The following B4GALT5 variants were observed in gnomAD, a reference collection of about 807,000 sequenced individuals.
B4GALT5 encodes the protein beta-1,4-galactosyltransferase 5, also known as UDP-Gal:beta-GlcNAc beta-1,4-galactosyltransferase 5.
In B4GALT5, 11 loss-of-function variants were observed where a neutral mutation model predicts 45.0. That is an observed-to-expected ratio of 0.24 (90% CI 0.15 to 0.40). The LOEUF (loss-of-function observed/expected upper bound fraction) is 0.40. Among genes scored for constraint, B4GALT5 ranks in the 10% least tolerant of loss-of-function variants. The pLI is 1.00. For missense variants in B4GALT5, 337 were observed against 500.2 expected (o/e 0.67, Z 3.11); for synonymous variants, 185 against 182.9 (o/e 1.01, Z -0.09).
At chr20:49,660,118 A>G (rs143213479) in intron 1 of B4GALT5, among the ~76,000 whole-genome samples, 6 of 152,010 alleles carry the variant, frequency 3.9e-5, no homozygotes, top group Non-Finnish European at 7.4e-5. Flanking sequence ...CTTCATCATC[A>G]CAACTTCATC....
At chr20:49,652,552 G>A (rs936393001) in intron 2 of B4GALT5, among the ~76,000 whole-genome samples, 3 of 151,666 alleles carry the variant, frequency 2.0e-5, no homozygotes, top group Admixed American at 6.6e-5. Context: ...AAGAGGTGAA[G>A]ATGACCCACT....
chr20:49,659,557 A>G (rs954385786), intron 1 of B4GALT5, among the ~76,000 whole-genome samples: 2 of 152,224 alleles, frequency 1.3e-5, no homozygotes, highest in Non-Finnish European at 2.9e-5. Context: ...AATTATCGAA[A>G]GGAACTAGCA....
intron 1 of B4GALT5, among the ~76,000 whole-genome samples, chr20:49,713,061 T>G (rs1600563107): frequency 2.6e-5 from 3 of 114,128 alleles, no homozygotes; most frequent in African/African-American, 7.0e-5. Context: ...CAGGAAACGA[T>G]GGAGTCATGG....
Position 49,643,577 on chromosome 20 carries a change from G to A in B4GALT5, c.438C>T (p.Thr146=). ...YIHELFSKDP[T]IKLGGHWKPS... ...GCTTCCAGTGACCTCCGAGCTTGAT[G>A]GTTGGGTCTTTGGAGAAGAGTTCAT... Residue 146 remains threonine, a synonymous_variant, in exon 4 of 9, where the codon ACC becomes ACT. Coordinates refer to ENST00000371711, the MANE Select transcript of B4GALT5 (RefSeq NM_004776.4). 2 of 1,614,036 alleles carry A rather than the reference G, an allele frequency of 1.2e-6. No individual in the cohort carries two copies. The highest frequency in any genetic ancestry group is 1.7e-6 in the Non-Finnish European group (2 of 1,179,988).
intron 1 of B4GALT5, among the ~76,000 whole-genome samples, chr20:49,685,420 T>C (rs1471051282): frequency 3.3e-5 from 5 of 152,108 alleles, no homozygotes; most frequent in African/African-American, 1.2e-4. Flanking sequence ...CGAAAAACTC[T>C]GTGACCCAGA....
In B4GALT5 at chr20:49,654,765, T is replaced by C. The variant is rs562471626; in HGVS notation, c.250+1803A>G. 1.5e-4 allele frequency among the ~76,000 whole-genome samples: 23 copies of C among 152,344 alleles called. No homozygotes were observed. In the East Asian group the frequency reaches 3.1e-3, roughly 20 times the overall value. ...GGACTGATTTAGAGGGAGAATTTTT[T>C]TTTAAATGTAAGTATTTTAAAATAT... On this transcript the variant is annotated intron_variant, in intron 2 of 8. Transcript: ENST00000371711.
chr20:49,680,768 T>G (rs1447109322), intron 1 of B4GALT5, among the ~76,000 whole-genome samples: 2 of 152,144 alleles, frequency 1.3e-5, no homozygotes, highest in Non-Finnish European at 2.9e-5. Context: ...AATTGTATAC[T>G]TCAAATGATT....
intron 1 of B4GALT5, among the ~76,000 whole-genome samples, chr20:49,686,647 G>A (rs2085786610): frequency 6.7e-6 from 1 of 148,530 alleles, no homozygotes; most frequent in Admixed American, 6.8e-5. Flanking sequence ...AGCACTTTGG[G>A]AGACCGAGGC....
chr20:49,687,274 A>C (rs538661458), intron 1 of B4GALT5, among the ~76,000 whole-genome samples: 2 of 152,364 alleles, frequency 1.3e-5, no homozygotes, highest in East Asian at 1.9e-4. Context: ...TGACTTTTAA[A>C]TTAACCACTG....
chr20:49,636,608 A>T (rs1456046043), intron 8 of B4GALT5, 149 bp from the exon 9 acceptor site: 6 of 833,630 alleles, frequency 7.2e-6, no homozygotes, highest in Admixed American at 5.7e-5. Context: ...CAATTCTGCT[A>T]TGCCAGGCTG....
At chr20:49,653,927 G>C (rs2123014286) in intron 2 of B4GALT5, among the ~76,000 whole-genome samples, 1 of 152,320 alleles carries the variant, frequency 6.6e-6, no homozygotes, top group East Asian at 1.9e-4. Context: ...CAGCAACTCA[G>C]GAAGTAGCGC....
intron 1 of B4GALT5, among the ~76,000 whole-genome samples, chr20:49,707,160 A>G (rs1434749891): frequency 1.3e-5 from 2 of 152,146 alleles, no homozygotes; most frequent in East Asian, 1.9e-4. Flanking sequence ...TCTTTCTACT[A>G]AAGAAAATTT....
At chr20:49,671,116 T>C (rs999047842) in intron 1 of B4GALT5, among the ~76,000 whole-genome samples, 1 of 152,136 alleles carries the variant, frequency 6.6e-6, no homozygotes, top group Non-Finnish European at 1.5e-5. Flanking sequence ...CGGTGGCTCA[T>C]GCCTATAATC....
chr20:49,707,023 C>T (rs1221726435), intron 1 of B4GALT5, among the ~76,000 whole-genome samples: 1 of 152,184 alleles, frequency 6.6e-6, no homozygotes, highest in Non-Finnish European at 1.5e-5. Context: ...TTATACAAGG[C>T]TCCCACTGGC....
intron 2 of B4GALT5, among the ~76,000 whole-genome samples, chr20:49,654,437 C>T (rs571594445): frequency 3.9e-5 from 6 of 152,260 alleles, no homozygotes; most frequent in Middle Eastern, 3.4e-3. Context: ...TGACCCAGTG[C>T]GACCACAATT....
intron 1 of B4GALT5, among the ~76,000 whole-genome samples, chr20:49,703,031 G>A (rs1042844427): frequency 1.1e-4 from 17 of 151,726 alleles, no homozygotes; most frequent in African/African-American, 2.4e-4. Context: ...AAAATTAGCC[G>A]GGCGTGGTGG....
chr20:49,694,128 A>T (rs2085827776), intron 1 of B4GALT5, among the ~76,000 whole-genome samples: 1 of 152,190 alleles, frequency 6.6e-6, no homozygotes, highest in Admixed American at 6.5e-5. Flanking sequence ...CTTTTTATTA[A>T]CACCCTAATT....
At chr20:49,672,242 C>T (rs535997033) in intron 1 of B4GALT5, among the ~76,000 whole-genome samples, 17 of 152,304 alleles carry the variant, frequency 1.1e-4, no homozygotes, top group Non-Finnish European at 2.2e-4. Flanking sequence ...GGGTTATCTA[C>T]TCGTTGGGAA....
At chr20:49,659,295 G>A (rs1158107824) in intron 1 of B4GALT5, among the ~76,000 whole-genome samples, 3 of 152,184 alleles carry the variant, frequency 2.0e-5, no homozygotes, top group Non-Finnish European at 4.4e-5. Context: ...CTGAGCTGCT[G>A]CTACAGCAAG....
Sources: gnomAD v4.1 joint callset for allele counts (sites outside exome capture counted in the v4.1 genomes callset) on GRCh38, gnomAD v4.1.1 for gene constraint, MANE v1.5 for transcripts, NCBI Gene and HGNC (gene_info 2026-07-23, HGNC 2026-07-21) for gene names.